The following LYPLA1 variants were observed in gnomAD, a reference collection of about 807,000 sequenced individuals.
LYPLA1 encodes lysophospholipase 1.
Under a neutral mutation model 34.0 loss-of-function variants are expected in LYPLA1, and 17 were observed. The observed-to-expected ratio is 0.50, with a 90% confidence interval of 0.34 to 0.75. LYPLA1 has a LOEUF of 0.75. Ranked by LOEUF, LYPLA1 falls within the 30% of genes least tolerant of loss-of-function variation. The pLI is 0.01. For missense variants in LYPLA1, 203 were observed against 288.8 expected, an observed-to-expected ratio of 0.70 and a Z score of 2.15; for synonymous variants, 98 against 100.8, an observed-to-expected ratio of 0.97 and a Z score of 0.17.
chr8:54,081,014 G>A (rs1006700859), intron 2 of LYPLA1, among the ~76,000 whole-genome samples: 3 of 152,282 alleles, frequency 2.0e-5, no homozygotes, highest in Admixed American at 6.5e-5. Context: ...GTATGTATTA[G>A]ACATTTGCCA....
At chr8:54,078,232 G>A (rs1235567661) in intron 2 of LYPLA1, among the ~76,000 whole-genome samples, 5 of 152,030 alleles carry the variant, frequency 3.3e-5, no homozygotes, top group South Asian at 2.1e-4. Context: ...GATTACAAGC[G>A]TGAGCCACCG....
chr8:54,060,688 CCTTT>C (rs1400089811), intron 5 of LYPLA1, among the ~76,000 whole-genome samples: 1 of 145,174 alleles, frequency 6.9e-6, no homozygotes, highest in Non-Finnish European at 1.5e-5. Flanking sequence ...CTTTTTTCTT[CCTTT>C]TTTTTTTTTT....
At chr8:54,048,149 G>T (rs772224293) in intron 8 of LYPLA1, 31 bp from the exon 9 acceptor site, 2 of 1,387,764 alleles carry the variant, frequency 1.4e-6, no homozygotes, top group Non-Finnish European at 1.0e-6. Context: ...TAATAGGTAG[G>T]TAGTTATGTA....
chr8:54,081,353 TAC>T (rs1306704753), intron 2 of LYPLA1, among the ~76,000 whole-genome samples: 1 of 152,012 alleles, frequency 6.6e-6, no homozygotes, highest in African/African-American at 2.4e-5. Flanking sequence ...CCCTACTATA[TAC>T]ACAGTTTTTG....
Position 54,092,221 on chromosome 8 carries a change from G to C in LYPLA1, c.101+8687C>G, listed in dbSNP as rs191771590. Among the ~76,000 whole-genome samples, 478 of 151,390 alleles carry C rather than the reference G, an allele frequency of 3.2e-3. 3 individuals carry two copies. The highest frequency in any genetic ancestry group is 0.01 in the African/African-American group (425 of 41,182). The stretch of plus-strand genomic sequence containing the variant: ...GGAGGAGAAAGACGGAAGAGAAGGA[G>C]GAGGAGGAGGAGAAGGAGAAAGAAG... On this transcript the variant is annotated intron_variant, in intron 2 of 8. Coordinates refer to ENST00000316963, the MANE Select transcript of LYPLA1 (RefSeq NM_006330.4).
chr8:54,058,242 T>A (rs901503906), intron 5 of LYPLA1, among the ~76,000 whole-genome samples: 5 of 152,004 alleles, frequency 3.3e-5, no homozygotes, highest in South Asian at 2.1e-4. Flanking sequence ...TATTGTTTTT[T>A]AAAAAAAATC....
At chr8:54,101,385 GAGGAT>G in intron 1 of LYPLA1, 3 of 1,054,066 alleles carry the variant, frequency 2.8e-6, no homozygotes, top group Non-Finnish European at 3.4e-6. Context: ...TTCTTTCATT[GAGGAT>G]AAGAGTGCGA....
chr8:54,077,517 T>C (rs7004430), intron 2 of LYPLA1, among the ~76,000 whole-genome samples: 148,096 of 152,312 alleles, frequency 0.97, 72,027 homozygotes, highest in East Asian at 1. Flanking sequence ...AAAAGTAGTC[T>C]GGGCACGGTG....
intron 8 of LYPLA1, among the ~76,000 whole-genome samples, chr8:54,050,352 G>C (rs1479370278): frequency 6.6e-6 from 1 of 152,044 alleles, no homozygotes; most frequent in East Asian, 1.9e-4. Context: ...AATCCTGCTG[G>C]ATCACCTGTC....
intron 8 of LYPLA1, among the ~76,000 whole-genome samples, chr8:54,049,857 T>G (rs953225174): frequency 6.6e-6 from 1 of 152,208 alleles, no homozygotes; most frequent in African/African-American, 2.4e-5. Context: ...CATTTTGGCT[T>G]TATCTACCCA....
chr8:54,083,160 A>G (rs1418570678), intron 2 of LYPLA1, among the ~76,000 whole-genome samples: 1 of 152,234 alleles, frequency 6.6e-6, no homozygotes, highest in African/African-American at 2.4e-5. Flanking sequence ...TTAGTCTAGA[A>G]GAATACTTAA....
intron 7 of LYPLA1, 35 bp downstream of exon 7, chr8:54,052,619 TC>T (rs1805922460): frequency 7.7e-7 from 1 of 1,295,104 alleles, no homozygotes; most frequent in East Asian, 2.3e-5. Context: ...TACCTTTAGC[TC>T]AGTAATCTCA....
In LYPLA1 at chr8:54,052,759, GA is replaced by G. The variant is rs759968309; in HGVS notation, c.361-4del. The G allele has an allele frequency of 1.3e-6, 2 of 1,593,302 alleles. No homozygotes were observed. The highest frequency in any genetic ancestry group is 2.2e-5 in the South Asian group (2 of 90,342). ...GTATATAAAGATAAAGCTCCTCCCT[GA>G]AAAGACAAGCAGGGAAAGTCAATGG... On this transcript the variant is annotated splice_polypyrimidine_tract_variant and splice_region_variant and intron_variant, in intron 6 of 8. Coordinates refer to ENST00000316963, the MANE Select transcript of LYPLA1 (RefSeq NM_006330.4).
chr8:54,046,015 C>G (rs1414837571), downstream of LYPLA1, among the ~76,000 whole-genome samples: 1 of 151,994 alleles, frequency 6.6e-6, no homozygotes, highest in African/African-American at 2.4e-5. Flanking sequence ...GAGCCGAGAT[C>G]GCACCACTGC....
At chr8:54,044,492 T>C (rs948353576), downstream of LYPLA1, among the ~76,000 whole-genome samples, 3 of 152,164 alleles carry the variant, frequency 2.0e-5, no homozygotes, top group East Asian at 1.9e-4. Context: ...AAACTCCTGG[T>C]GAAAAAGTTT....
intron 5 of LYPLA1, 23 bp downstream of exon 5, chr8:54,062,231 T>A: frequency 6.6e-7 from 1 of 1,512,658 alleles, no homozygotes; most frequent in Non-Finnish European, 9.1e-7. Flanking sequence ...ACTTTTGGCT[T>A]TATAAACATT....
chr8:54,055,876 C>T (rs908976930), intron 5 of LYPLA1, among the ~76,000 whole-genome samples: 2 of 152,016 alleles, frequency 1.3e-5, no homozygotes, highest in Non-Finnish European at 2.9e-5. Flanking sequence ...CTCCTGAACT[C>T]GAGATCCGCC....
rs1386462165 is a variant in LYPLA1 at position 54,065,829 on chromosome 8, T to C, written c.102-16A>G. 7 of 1,588,220 alleles carry C rather than the reference T, an allele frequency of 4.4e-6. No homozygotes were observed. The highest frequency in any genetic ancestry group is 6.1e-6 in the Non-Finnish European group (7 of 1,156,502). On this transcript the variant is annotated splice_polypyrimidine_tract_variant and intron_variant, in intron 2 of 8. Coordinates refer to ENST00000316963, the MANE Select transcript of LYPLA1 (RefSeq NM_006330.4). ...CCATCCGTGCCTGGTGGAAAAATCATTGAATAATGCTATTAGACACTGTTT... is the reference window on the plus strand; with the variant it reads ...CCATCCGTGCCTGGTGGAAAAATCACTGAATAATGCTATTAGACACTGTTT...
intron 7 of LYPLA1, among the ~76,000 whole-genome samples, chr8:54,051,707 C>T (rs748052281): frequency 3.9e-5 from 6 of 152,098 alleles, no homozygotes; most frequent in South Asian, 2.1e-4. Flanking sequence ...CCTTGGCCTC[C>T]GAAAGTGCTG....
Sources: gnomAD v4.1 joint callset for allele counts (sites outside exome capture counted in the v4.1 genomes callset) on GRCh38, gnomAD v4.1.1 for gene constraint, MANE v1.5 for transcripts, NCBI Gene and HGNC (gene_info 2026-07-23, HGNC 2026-07-21) for gene names.